Variants in HPRT1 observed in about 807,000 individuals in gnomAD.
The protein encoded by HPRT1 is hypoxanthine-guanine phosphoribosyltransferase.
HPRT1 carries 4 observed loss-of-function variants against 19.0 expected under a neutral mutation model. The ratio of observed to expected loss-of-function variants is 0.21; its 90% CI spans 0.10 to 0.48. The LOEUF (loss-of-function observed/expected upper bound fraction) is 0.48, where lower values mean the gene tolerates loss of function less well. HPRT1 is among the 20% of genes least tolerant of loss of function. The pLI, the probability that HPRT1 is intolerant of heterozygous loss-of-function variation, is 0.98. For synonymous variants in HPRT1, 53 were observed against 54.9 expected, an observed-to-expected ratio of 0.97 and a Z score of 0.15; for missense variants, 65 against 164.0, an observed-to-expected ratio of 0.40 and a Z score of 3.30.
chrX:134,472,262 C>T (rs975449652), intron 1 of HPRT1, among the ~76,000 whole-genome samples: 1 of 111,154 alleles, frequency 9.0e-6, no homozygotes, highest in African/African-American at 3.3e-5. Context: ...GTGTGAGCCA[C>T]CACACCATGC....
intron 1 of HPRT1, among the ~76,000 whole-genome samples, chrX:134,465,599 C>T (rs6638241): frequency 0.13 from 14,666 of 112,024 alleles, 828 homozygotes; most frequent in East Asian, 0.21. Flanking sequence ...TTTCTCAATA[C>T]TCTTTCAGAT....
intron 1 of HPRT1, among the ~76,000 whole-genome samples, chrX:134,468,292 C>A (rs1170660262): frequency 9.1e-6 from 1 of 110,492 alleles, no homozygotes; most frequent in African/African-American, 3.3e-5. Context: ...GATACAGGTT[C>A]TGAATAGTGG....
At chrX:134,487,341 G>A (rs765190943) in intron 4 of HPRT1, among the ~76,000 whole-genome samples, 1 of 110,541 alleles carries the variant, frequency 9.0e-6, no homozygotes, top group African/African-American at 3.3e-5. Context: ...TTATCTTCTA[G>A]TACATTGAAA....
chrX:134,480,059 A>G (rs1185378209), intron 3 of HPRT1, among the ~76,000 whole-genome samples: 2 of 111,757 alleles, frequency 1.8e-5, no homozygotes, highest in African/African-American at 3.2e-5. Flanking sequence ...AGTCTGCATT[A>G]TGGTGTATCC....
Position 134,460,338 on chromosome X carries a change from G to T in HPRT1, c.27G>T (p.Val9=). ...TGGCGACCCGCAGCCCTGGCGTCGT[G>T]GTGAGCAGCTCGGCCTGCCGGCCCT... is the stretch of plus-strand genomic sequence containing the variant. The part of the protein sequence containing the change: MATRSPGV[V]ISDDEPGYDL... The change falls in exon 1 of 9, where the codon GTG becomes GTT. Residue 9 remains valine (V), a splice_region_variant and synonymous_variant. Transcript: ENST00000298556. 8.9e-7 allele frequency: 1 copy of T among 1,122,977 alleles called. No homozygotes were observed. Among genetic ancestry groups the T allele is most frequent in the South Asian group, 2.0e-5 (1 of 50,654 alleles). The allele number at this position is 1,122,977 out of a possible 1,213,427, so 92.5% of individuals were successfully genotyped here. A position where few individuals can be genotyped will look rare whatever the true frequency, so the allele number is the denominator to read the frequency against.
intron 2 of HPRT1, 109 bp from the exon 3 acceptor site, chrX:134,475,072 G>T: frequency 1.7e-6 from 1 of 587,023 alleles, no homozygotes; most frequent in Non-Finnish European, 2.8e-6. Flanking sequence ...CAGGCATGGG[G>T]TCTCACTATA....
At chrX:134,499,303 A>AC (rs1427500241) in intron 8 of HPRT1, among the ~76,000 whole-genome samples, 2 of 110,005 alleles carry the variant, frequency 1.8e-5, no homozygotes, top group African/African-American at 6.6e-5. Context: ...ACATGATGAA[A>AC]CCCCACCTTT....
intron 3 of HPRT1, among the ~76,000 whole-genome samples, chrX:134,480,182 A>G (rs1229099927): frequency 9.0e-6 from 1 of 111,477 alleles, no homozygotes; most frequent in East Asian, 2.8e-4. Context: ...ACATTTGAGA[A>G]CAGTGAGTCA....
At chrX:134,497,514 G>A (rs1031396693) in intron 6 of HPRT1, among the ~76,000 whole-genome samples, 6 of 110,596 alleles carry the variant, frequency 5.4e-5, no homozygotes, top group Admixed American at 1.9e-4. Flanking sequence ...CATGCCTGTA[G>A]TCCCAGCTAC....
intron 1 of HPRT1, among the ~76,000 whole-genome samples, chrX:134,462,070 G>C (rs2077585622): frequency 9.0e-6 from 1 of 111,547 alleles, no homozygotes; most frequent in Non-Finnish European, 1.9e-5. Flanking sequence ...TCCCGGGCTC[G>C]GGTGATTCTC....
chrX:134,465,933 G>C lies in HPRT1; in HGVS notation c.27+5595G>C, dbSNP rs751356635. On this transcript the variant is annotated intron_variant, in intron 1 of 8. Transcript: ENST00000298556. ...ATACAGGACCTTTTTTTTGTGATCTGTTCTAGCCATTTTTATGTTGGGTGC... is the reference window on the plus strand; with the variant it reads ...ATACAGGACCTTTTTTTTGTGATCTCTTCTAGCCATTTTTATGTTGGGTGC... 1.3e-4 allele frequency among the ~76,000 whole-genome samples: 14 copies of C among 110,934 alleles called. No individual in the cohort carries two copies. The East Asian group carries it at 4.0e-3, about 32-fold the overall frequency.
intron 8 of HPRT1, 40 bp from the exon 9 acceptor site, chrX:134,499,990 T>A: frequency 1.1e-6 from 1 of 920,829 alleles, no homozygotes; most frequent in Non-Finnish European, 1.6e-6. Context: ...CATTTCAGAA[T>A]ATACTTTTTA....
At chrX:134,486,441 A>T in intron 3 of HPRT1, 24 bp from the exon 4 acceptor site, 1 of 776,573 alleles carries the variant, frequency 1.3e-6, no homozygotes, top group Non-Finnish European at 1.9e-6. Flanking sequence ...ATATATATAT[A>T]TAGTTTTTTT....
intron 3 of HPRT1, among the ~76,000 whole-genome samples, chrX:134,482,541 TGACACATCTTGTGCAACACA>T (rs2077643008): frequency 8.9e-6 from 1 of 111,972 alleles, no homozygotes; most frequent in Non-Finnish European, 1.9e-5. Context: ...TTTGAGCGCT[TGACACATCTTGTGCAACACA>T]GGAACTGAAT....
At chrX:134,494,258 T>A (rs182461848) in intron 6 of HPRT1, among the ~76,000 whole-genome samples, 1 of 112,461 alleles carries the variant, frequency 8.9e-6, no homozygotes, top group Admixed American at 9.4e-5. Flanking sequence ...ATGCTTTTGC[T>A]ACCTTAAGTT....
intron 6 of HPRT1, among the ~76,000 whole-genome samples, chrX:134,494,934 C>G (rs948534132): frequency 1.8e-5 from 2 of 111,758 alleles, no homozygotes; most frequent in African/African-American, 6.5e-5. Flanking sequence ...ACCGATCTTG[C>G]ATACATTTCA....
intron 5 of HPRT1, 65 bp from the exon 6 acceptor site, chrX:134,493,443 G>C (rs781248524): frequency 1.4e-6 from 1 of 721,135 alleles, no homozygotes; most frequent in South Asian, 2.1e-5. Flanking sequence ...GTTATACATG[G>C]GGGTTTTGGT....
At chrX:134,481,447 A>C (rs2077639182) in intron 3 of HPRT1, among the ~76,000 whole-genome samples, 1 of 111,246 alleles carries the variant, frequency 9.0e-6, no homozygotes, top group Non-Finnish European at 1.9e-5. Context: ...TATCTTCTGT[A>C]AATCTGTCTC....
Sources: allele counts gnomAD v4.1 joint callset (sites outside exome capture counted in the v4.1 genomes callset), GRCh38; gene constraint gnomAD v4.1.1; transcripts MANE v1.5; gene names NCBI Gene and HGNC (gene_info 2026-07-23, HGNC 2026-07-21).